Variants in CCDC190 observed in about 807,000 individuals in gnomAD.
CCDC190 encodes the protein coiled-coil domain containing 190, also known as coiled-coil domain-containing protein 190.
In CCDC190, 10 loss-of-function variants were observed where a neutral mutation model predicts 13.1. The observed-to-expected ratio is 0.77, with a 90% CI of 0.47 to 1.30. CCDC190 has a LOEUF of 1.30. Among genes scored for constraint, CCDC190 ranks in the 50% most tolerant of loss-of-function variants. The pLI is 0.00. For missense variants in CCDC190, 375 were observed against 354.3 expected (o/e 1.06, Z -0.47); for synonymous variants, 136 against 127.2 (o/e 1.07, Z -0.47).
rs1050979813 is a variant in CCDC190, at chr1:162,852,805, G to T, written c.*1960C>A. On this transcript the variant is annotated 3_prime_UTR_variant, in exon 4 of 4. Coordinates refer to ENST00000367912, the MANE Select transcript of CCDC190 (RefSeq NM_001394065.1). ...GTGATGGCCCCTTCCCGCTGTGAGA[G>T]CTAGTACAGTGAAAAGACCCACTTA... The T allele has an allele frequency of 1.5e-5, 5 of 323,894 alleles. No homozygotes were observed. Among genetic ancestry groups the T allele is most frequent in the South Asian group, 9.4e-5 (2 of 21,274 alleles). 20.1% of individuals were successfully genotyped at this position (323,894 alleles called of 1,614,324 possible). A position where few individuals can be genotyped will look rare whatever the true frequency, so the allele number is the denominator to read the frequency against.
upstream of CCDC190, among the ~76,000 whole-genome samples, chr1:162,866,044 A>T (rs962553274): frequency 1.1e-4 from 16 of 152,252 alleles, no homozygotes; most frequent in African/African-American, 3.6e-4. Flanking sequence ...AATATACAAA[A>T]TATGTTTAGA....
At chr1:162,864,604 C>T (rs527679301), upstream of CCDC190, among the ~76,000 whole-genome samples, 13 of 151,958 alleles carry the variant, frequency 8.6e-5, no homozygotes, top group South Asian at 2.1e-4. Flanking sequence ...ATACAAAATT[C>T]GAGTGAGAAT....
At chr1:162,855,586 G>A (rs368861148) in intron 3 of CCDC190, 46 bp downstream of exon 3, 4 of 1,600,158 alleles carry the variant, frequency 2.5e-6, no homozygotes, top group East Asian at 4.5e-5. Flanking sequence ...CATTTGGGAA[G>A]AGAGACTTAA....
chr1:162,855,121 A>G lies in CCDC190; in HGVS notation c.550T>C (p.Ser184Pro). ...GGACCTTGTTCTATGGTGTTGGTGG[A>G]AACCTCTTGATTTTGGCATGGAACA... The part of the protein sequence containing the change: ...ISVPCQNQEV[S>P]TNTIEQGPSS... The change falls in exon 4 of 4, where the codon TCC (serine) becomes CCC (proline). Residue 184 changes from serine to proline, a missense_variant. By Grantham distance (74) the Ser-to-Pro change is moderately conservative. Transcript: ENST00000367912. 1 of 1,613,922 alleles carries G rather than the reference A, an allele frequency of 6.2e-7. No homozygotes were observed. Among genetic ancestry groups the G allele is most frequent in the Non-Finnish European group, 8.5e-7 (1 of 1,179,838 alleles).
chr1:162,859,595 T>C lies in CCDC190; in HGVS notation c.52A>G (p.Arg18Gly). 6.2e-7 allele frequency: 1 copy of C among 1,613,898 alleles called. No individual in the cohort carries two copies. The highest frequency in any genetic ancestry group is 8.5e-7 in the Non-Finnish European group (1 of 1,179,850). Residue 18 changes from arginine (R) to glycine (G), a missense_variant, in exon 2 of 4, where the codon AGG becomes GGG. Coordinates refer to ENST00000367912, the MANE Select transcript of CCDC190 (RefSeq NM_001394065.1). ...GQLYKHFDLE[R>G]KNAKQAEARL... ...GCTTCAGCCTGCTTGGCATTCTTCC[T>C]CTCCAAATCAAAATGCTTATACAAT...
intron 2 of CCDC190, 68 bp downstream of exon 2, chr1:162,859,392 C>T (rs546825294): frequency 3.8e-4 from 535 of 1,418,152 alleles, no homozygotes; most frequent in African/African-American, 2.0e-3. Context: ...AGGGCCTCAG[C>T]GGAGTGATGG....
At chr1:162,858,906 A>T (rs1324493842) in intron 2 of CCDC190, among the ~76,000 whole-genome samples, 1 of 152,244 alleles carries the variant, frequency 6.6e-6, no homozygotes, top group Non-Finnish European at 1.5e-5. Flanking sequence ...CCAAGTGCTC[A>T]CTGAATCCTC....
At chr1:162,860,911 G>T (rs754889302) in intron 1 of CCDC190, 97 bp downstream of exon 1, 69 of 443,392 alleles carry the variant, frequency 1.6e-4, no homozygotes, top group Admixed American at 2.6e-4. Context: ...AGGAAGATAA[G>T]GTCAGGACAT....
Position 162,852,971 on chromosome 1 carries a change from A to T in CCDC190, c.*1794T>A. 1 of 692,688 alleles carries T rather than the reference A, an allele frequency of 1.4e-6. No individual in the cohort carries two copies. 42.9% of individuals were successfully genotyped at this position (692,688 alleles called of 1,614,324 possible). ...TACAAAGGGGTTCTCTAATTGTTGTATGCCTATTCATGTTGGCCCAGGCAT... is the reference window on the plus strand; with the variant it reads ...TACAAAGGGGTTCTCTAATTGTTGTTTGCCTATTCATGTTGGCCCAGGCAT... On this transcript the variant is annotated 3_prime_UTR_variant, in exon 4 of 4. Coordinates refer to ENST00000367912, the MANE Select transcript of CCDC190 (RefSeq NM_001394065.1).
At chr1:162,855,423 C>A in intron 3 of CCDC190, 64 bp from the exon 4 acceptor site, 1 of 1,517,110 alleles carries the variant, frequency 6.6e-7, no homozygotes, top group Non-Finnish European at 8.8e-7. Flanking sequence ...TTAGACCTTT[C>A]AACTTATTAG....
At chr1:162,866,993 T>C (rs536290417) in intron 1 of CCDC190, among the ~76,000 whole-genome samples, 1 of 152,152 alleles carries the variant, frequency 6.6e-6, no homozygotes, top group African/African-American at 2.4e-5. Context: ...ACAAAACTTC[T>C]AGAAGAAAAA....
chr1:162,867,822 G>C (rs1650760415), intron 1 of CCDC190, among the ~76,000 whole-genome samples: 1 of 152,162 alleles, frequency 6.6e-6, no homozygotes, highest in Non-Finnish European at 1.5e-5. Flanking sequence ...TGGTAAAGAG[G>C]CTGGATAGAA....
At position 162,854,792 on chromosome 1, in the gene CCDC190, C is replaced by A; in HGVS notation, c.879G>T (p.Arg293Ser). Residue 293 changes from arginine to serine, a missense_variant, in exon 4 of 4, where the codon AGG becomes AGT. Transcript: ENST00000367912. The stretch of plus-strand genomic sequence containing the variant: ...AGAGAGGAAGAAACTTAGAAGGCAC[C>A]CTGTTTTCACACTCCTTTCCTGCCC... The part of the protein sequence containing the change: ...SSRAGKECEN[R>S]VPSKFLPL 3.1e-6 allele frequency: 5 copies of A among 1,610,870 alleles called. No individual in the cohort carries two copies. Among genetic ancestry groups the A allele is most frequent in the Non-Finnish European group, 3.4e-6 (4 of 1,177,752 alleles).
Position 162,853,423 on chromosome 1 carries a change from TA to T in CCDC190, c.*1341del, listed in dbSNP as rs1037567956. Among the ~76,000 whole-genome samples the T allele has an allele frequency of 1.3e-5, 2 of 152,190 alleles. No homozygotes were observed. The highest frequency in any genetic ancestry group is 1.5e-5 in the Non-Finnish European group (1 of 68,030). On this transcript the variant is annotated 3_prime_UTR_variant, in exon 4 of 4. Transcript: ENST00000367912. ...GCATGCTGTGTGGAATGTGTCAGGATAGGGGGAGGTACTGAAAAATAGGAGC... is the reference window on the plus strand; with the variant it reads ...GCATGCTGTGTGGAATGTGTCAGGATGGGGGAGGTACTGAAAAATAGGAGC...
chr1:162,853,056 C>T lies in CCDC190; in HGVS notation c.*1709G>A. 6.9e-7 allele frequency: 1 copy of T among 1,447,728 alleles called. No homozygotes were observed. Among genetic ancestry groups the T allele is most frequent in the Non-Finnish European group, 9.5e-7 (1 of 1,053,562 alleles). The allele number at this position is 1,447,728 out of a possible 1,614,324, so 89.7% of individuals were successfully genotyped here. On this transcript the variant is annotated 3_prime_UTR_variant, in exon 4 of 4. Transcript: ENST00000367912. ...ATCAGTTCTGTCACTTATGGCCTGC[C>T]TTCCTCTGTTGCTTTGCTTCATGGA...
chr1:162,855,677 G>T lies in CCDC190; in HGVS notation c.266C>A (p.Pro89Gln). ...GGCTCTGTGCTTCTGCCTTCCCTGTGGTGAGAACACGAGAACATCTTCTGG... is the reference window on the plus strand; with the variant it reads ...GGCTCTGTGCTTCTGCCTTCCCTGTTGTGAGAACACGAGAACATCTTCTGG... ...KRPEDVLVFS[P>Q]QGRQKHRAPQ... is the part of the protein sequence containing the mutation. The change falls in exon 3 of 4, where the codon CCA (proline) becomes CAA (glutamine). Residue 89 changes from proline to glutamine, a missense_variant. Transcript: ENST00000367912. 2 of 1,613,682 alleles carry T rather than the reference G, an allele frequency of 1.2e-6. No homozygotes were observed. The highest frequency in any genetic ancestry group is 1.7e-6 in the Non-Finnish European group (2 of 1,179,718).
chr1:162,852,962 A>G lies in CCDC190; in HGVS notation c.*1803T>C. On this transcript the variant is annotated 3_prime_UTR_variant, in exon 4 of 4. Coordinates refer to ENST00000367912, the MANE Select transcript of CCDC190 (RefSeq NM_001394065.1). ...TGCGCAGTTTACAAAGGGGTTCTCT[A>G]ATTGTTGTATGCCTATTCATGTTGG... 1 of 652,404 alleles carries G rather than the reference A, an allele frequency of 1.5e-6. No individual in the cohort carries two copies. Among genetic ancestry groups the G allele is most frequent in the South Asian group, 1.9e-5 (1 of 51,560 alleles). The allele number at this position is 652,404 out of a possible 1,614,324, so 40.4% of individuals were successfully genotyped here.
intron 2 of CCDC190, among the ~76,000 whole-genome samples, chr1:162,857,091 G>A (rs1650328861): frequency 6.6e-6 from 1 of 152,132 alleles, no homozygotes; most frequent in Non-Finnish European, 1.5e-5. Context: ...CGCCTACTTT[G>A]TGCCAGGTAA....
At chr1:162,868,063 A>T (rs1650767934) in intron 1 of CCDC190, among the ~76,000 whole-genome samples, 1 of 152,226 alleles carries the variant, frequency 6.6e-6, no homozygotes, top group East Asian at 1.9e-4. Context: ...TATAAATTTT[A>T]TCTCAGTAAA....
Sources: allele counts gnomAD v4.1 joint callset (sites outside exome capture counted in the v4.1 genomes callset), GRCh38; gene constraint gnomAD v4.1.1; transcripts MANE v1.5; gene names NCBI Gene and HGNC (gene_info 2026-07-23, HGNC 2026-07-21).